Variants in ITGA9 observed in about 807,000 individuals in gnomAD.
ITGA9 encodes the protein integrin alpha-9.
In ITGA9, 56 loss-of-function variants were observed where a neutral mutation model predicts 127.8. That is an observed-to-expected ratio of 0.44 (90% confidence interval 0.35 to 0.55). The LOEUF is 0.55. Ranked by LOEUF, ITGA9 falls within the 20% of genes least tolerant of loss-of-function variation. The probability of loss-of-function intolerance (pLI) is 0.00; values close to 1 mark genes in which losing one functional copy is unlikely to be tolerated. For synonymous variants in ITGA9, 508 were observed against 514.5 expected (o/e 0.99, Z 0.17); for missense variants, 1,196 against 1,347.1 (o/e 0.89, Z 1.76).
chr3:37,726,117 A>G (rs1181323134), intron 18 of ITGA9, among the ~76,000 whole-genome samples: 1 of 152,238 alleles, frequency 6.6e-6, no homozygotes, highest in East Asian at 1.9e-4. Context: ...ACCTGTGCTC[A>G]CCTCTGACAC....
At chr3:37,652,917 G>T (rs1391719577) in intron 16 of ITGA9, among the ~76,000 whole-genome samples, 5 of 152,174 alleles carry the variant, frequency 3.3e-5, no homozygotes, top group Admixed American at 6.5e-5. Context: ...GCCCTCCATG[G>T]ACCGTAGAAG....
rs142914623 is a variant in ITGA9 at position 37,774,861 on chromosome 3, C to T, written c.2542-2531C>T. Among the ~76,000 whole-genome samples the T allele has an allele frequency of 1.4e-3, 215 of 152,284 alleles. 1 individual carries two copies. The highest frequency in any genetic ancestry group is 5.0e-3 in the African/African-American group (209 of 41,568). On this transcript the variant is annotated intron_variant, in intron 23 of 27. Transcript: ENST00000264741. ...TTTAACTTGAGGATATAAACCTTCA[C>T]CTTATTTATTTTCAGACATATATAG...
intron 3 of ITGA9, among the ~76,000 whole-genome samples, chr3:37,479,920 G>A (rs77349130): frequency 0.03 from 4,627 of 152,270 alleles, 125 homozygotes; most frequent in Non-Finnish European, 0.044. Flanking sequence ...TCAGAGGTAG[G>A]CCATAAGAAC....
rs538276004 is a variant in ITGA9 at position 37,618,814 on chromosome 3, C to T, written c.1690-10373C>T. Among the ~76,000 whole-genome samples, 4 of 152,314 alleles carry T rather than the reference C, an allele frequency of 2.6e-5. No individual in the cohort carries two copies. The South Asian group carries it at 6.2e-4, about 24-fold the overall frequency. ...CTGTTTGCTAAGACTGTTGGAAAAG[C>T]GCAGTATTAGGGTAGGAGTGACCCG... On this transcript the variant is annotated intron_variant, in intron 15 of 27. Transcript: ENST00000264741.
In ITGA9 at chr3:37,822,907, G is replaced by A. The variant is rs1374377039; in HGVS notation, c.*3918G>A. ...AACTTCTCAAAATTTAGAGGTGCTG[G>A]AAAGGATTGTCACTTGGAGCCTTTA... On this transcript the variant is annotated 3_prime_UTR_variant, in exon 28 of 28. Transcript: ENST00000264741. 1 of 152,230 alleles carries A rather than the reference G, an allele frequency of 6.6e-6. No individual in the cohort carries two copies. Among genetic ancestry groups the A allele is most frequent in the Non-Finnish European group, 1.5e-5 (1 of 68,042 alleles). 9.4% of individuals were successfully genotyped at this position (152,230 alleles called of 1,614,324 possible).
rs78355587 is a variant in ITGA9 at position 37,543,213 on chromosome 3, C to G, written c.1689+628C>G. On this transcript the variant is annotated intron_variant, in intron 15 of 27. Coordinates refer to ENST00000264741, the MANE Select transcript of ITGA9 (RefSeq NM_002207.3). ...GCTACAGAGTGGCCCTTGCAGCAGG[C>G]GCTGGCAGGGTGGAAGACCTGGCAG... Among the ~76,000 whole-genome samples the G allele has an allele frequency of 1.1e-3, 160 of 152,282 alleles. 1 individual carries two copies. In the East Asian group the frequency reaches 0.027, roughly 26 times the overall value.
intron 20 of ITGA9, 50 bp from the exon 21 acceptor site, chr3:37,741,680 T>C (rs1383855973): frequency 1.2e-5 from 17 of 1,433,872 alleles, no homozygotes; most frequent in Admixed American, 1.8e-5. Flanking sequence ...AGCCCACTGC[T>C]GGACAGCTAG....
chr3:37,758,552 A>G, intron 23 of ITGA9, among the ~76,000 whole-genome samples: 1 of 151,544 alleles, frequency 6.6e-6, no homozygotes, highest in Non-Finnish European at 1.5e-5. Flanking sequence ...AATTAAATTC[A>G]ACATTTATTT....
At chr3:37,539,902 C>T (rs11916370) in intron 14 of ITGA9, among the ~76,000 whole-genome samples, 2 of 152,230 alleles carry the variant, frequency 1.3e-5, no homozygotes, top group Non-Finnish European at 1.5e-5. Flanking sequence ...GGAGCTGGGG[C>T]CCTGCATTAT....
chr3:37,713,393 C>T (rs1701099357), intron 18 of ITGA9, among the ~76,000 whole-genome samples: 1 of 152,172 alleles, frequency 6.6e-6, no homozygotes, highest in South Asian at 2.1e-4. Flanking sequence ...ACAAAGTTGG[C>T]ACTCCCTCCT....
chr3:37,633,073 C>T (rs1700242691), intron 16 of ITGA9, among the ~76,000 whole-genome samples: 1 of 152,094 alleles, frequency 6.6e-6, no homozygotes, highest in South Asian at 2.1e-4. Context: ...GACAAGAAAT[C>T]CCAGGATGAT....
At chr3:37,666,183 C>T (rs1474941298) in intron 17 of ITGA9, among the ~76,000 whole-genome samples, 1 of 152,108 alleles carries the variant, frequency 6.6e-6, no homozygotes, top group East Asian at 1.9e-4. Flanking sequence ...CCCGGAAGCA[C>T]AAGGGAGGCA....
At chr3:37,693,015 C>G (rs771042281) in intron 18 of ITGA9, among the ~76,000 whole-genome samples, 5 of 152,170 alleles carry the variant, frequency 3.3e-5, no homozygotes, top group Non-Finnish European at 7.3e-5. Flanking sequence ...AGTGTTGGGA[C>G]TGCTGGAAGA....
chr3:37,707,442 T>C (rs946865243), intron 18 of ITGA9, among the ~76,000 whole-genome samples: 2 of 152,232 alleles, frequency 1.3e-5, no homozygotes, highest in African/African-American at 4.8e-5. Flanking sequence ...TATTTCTTTT[T>C]ATTTGCAGTA....
At chr3:37,734,316 AT>A (rs1696332258) in intron 19 of ITGA9, among the ~76,000 whole-genome samples, 2 of 152,358 alleles carry the variant, frequency 1.3e-5, no homozygotes, top group Non-Finnish European at 2.9e-5. Context: ...ACTATTGCCT[AT>A]AGTAATGTAT....
At chr3:37,603,675 C>T (rs1699942586) in intron 15 of ITGA9, among the ~76,000 whole-genome samples, 1 of 152,222 alleles carries the variant, frequency 6.6e-6, no homozygotes, top group African/African-American at 2.4e-5. Context: ...AGAGCTCTTG[C>T]TTCACCAAAC....
intron 15 of ITGA9, among the ~76,000 whole-genome samples, chr3:37,547,174 G>A (rs1299492338): frequency 6.6e-6 from 1 of 152,090 alleles, no homozygotes; most frequent in Admixed American, 6.6e-5. Context: ...GCCAATAACG[G>A]TATTATTGTT....
chr3:37,588,951 C>T (rs574644086), intron 15 of ITGA9, among the ~76,000 whole-genome samples: 15 of 152,274 alleles, frequency 9.9e-5, no homozygotes, highest in East Asian at 3.9e-4. Flanking sequence ...ACTGTAGTTA[C>T]GTACACAGGC....
At chr3:37,468,551 T>C (rs1698396283) in intron 1 of ITGA9, among the ~76,000 whole-genome samples, 2 of 152,118 alleles carry the variant, frequency 1.3e-5, no homozygotes, top group South Asian at 4.1e-4. Context: ...GAGGCCTTGT[T>C]TGTCTGCCCC....
Sources: gnomAD v4.1 joint callset for allele counts (sites outside exome capture counted in the v4.1 genomes callset) on GRCh38, gnomAD v4.1.1 for gene constraint, MANE v1.5 for transcripts, NCBI Gene and HGNC (gene_info 2026-07-23, HGNC 2026-07-21) for gene names.